XYLT1: variants seen among roughly 807,000 people sequenced by gnomAD.
XYLT1 encodes the protein xylosyltransferase 1, also known as beta-D-xylosyltransferase 1.
Under a neutral mutation model 91.3 loss-of-function variants are expected in XYLT1, and 36 were observed. The ratio of observed to expected loss-of-function variants is 0.39; its 90% CI spans 0.30 to 0.52. The LOEUF is 0.52. XYLT1 is among the 20% of genes least tolerant of loss of function. The probability of loss-of-function intolerance (pLI) is 0.68; values close to 1 mark genes in which losing one functional copy is unlikely to be tolerated. For synonymous variants in XYLT1, 588 were observed against 532.0 expected, an observed-to-expected ratio of 1.11 and a Z score of -1.45; for missense variants, 1,242 against 1,284.5, an observed-to-expected ratio of 0.97 and a Z score of 0.51.
chr16:17,326,788 G>A (rs1294466323), intron 2 of XYLT1, among the ~76,000 whole-genome samples: 1 of 151,240 alleles, frequency 6.6e-6, no homozygotes, highest in Non-Finnish European at 1.5e-5. Flanking sequence ...TCGCGCCACT[G>A]CACTCCAGCC....
intron 1 of XYLT1, among the ~76,000 whole-genome samples, chr16:17,467,338 T>C (rs2036911961): frequency 6.6e-6 from 1 of 152,206 alleles, no homozygotes; most frequent in Non-Finnish European, 1.5e-5. Context: ...TTCTCCAAAA[T>C]CTATTCAGAA....
At chr16:17,259,692 G>C (rs1325648294) in intron 2 of XYLT1, among the ~76,000 whole-genome samples, 194 bp from the exon 3 acceptor site, 1 of 152,190 alleles carries the variant, frequency 6.6e-6, no homozygotes, top group African/African-American at 2.4e-5. Flanking sequence ...AATAGGAGAT[G>C]TTCCAACCAG....
chr16:17,415,632 C>A (rs955549434), intron 1 of XYLT1, among the ~76,000 whole-genome samples: 1 of 151,914 alleles, frequency 6.6e-6, no homozygotes, highest in African/African-American at 2.4e-5. Context: ...GCAGAGGTTG[C>A]AGTGAGCTGA....
At chr16:17,400,022 C>T (rs2035944261) in intron 1 of XYLT1, among the ~76,000 whole-genome samples, 1 of 152,242 alleles carries the variant, frequency 6.6e-6, no homozygotes, top group Non-Finnish European at 1.5e-5. Flanking sequence ...TCTCCAACAG[C>T]AGCCATCAGG....
intron 1 of XYLT1, among the ~76,000 whole-genome samples, chr16:17,387,188 A>T (rs757777677): frequency 1.3e-5 from 2 of 152,140 alleles, no homozygotes; most frequent in Non-Finnish European, 1.5e-5. Context: ...TCCATCCTTC[A>T]TGCATAGACC....
intron 2 of XYLT1, among the ~76,000 whole-genome samples, chr16:17,334,901 A>G (rs1393750379): frequency 1.3e-5 from 2 of 151,400 alleles, no homozygotes; most frequent in Non-Finnish European, 2.9e-5. Flanking sequence ...AAAACAAAAA[A>G]AAGATCAACT....
intron 3 of XYLT1, among the ~76,000 whole-genome samples, chr16:17,233,804 G>A (rs2033204785): frequency 6.6e-6 from 1 of 152,160 alleles, no homozygotes; most frequent in Non-Finnish European, 1.5e-5. Flanking sequence ...CCTACTCCAG[G>A]CATTGACATC....
At chr16:17,251,043 G>A (rs915455135) in intron 3 of XYLT1, 2 of 152,176 alleles carry the variant, frequency 1.3e-5, no homozygotes, top group East Asian at 1.9e-4. Context: ...TGTCAGCTAC[G>A]CTTTCTAGAA....
At chr16:17,113,209 T>C (rs1966845810) in intron 11 of XYLT1, among the ~76,000 whole-genome samples, 2 of 151,410 alleles carry the variant, frequency 1.3e-5, no homozygotes, top group South Asian at 4.2e-4. Context: ...TGGTGTGATC[T>C]TGGCTCACTG....
intron 2 of XYLT1, among the ~76,000 whole-genome samples, chr16:17,349,818 T>C (rs1269811454): frequency 2.0e-5 from 3 of 152,100 alleles, no homozygotes; most frequent in Non-Finnish European, 4.4e-5. Context: ...GCATGTCCAA[T>C]GTACAGTTCC....
chr16:17,202,026 T>C (rs983314641), intron 3 of XYLT1, among the ~76,000 whole-genome samples: 2 of 152,182 alleles, frequency 1.3e-5, no homozygotes, highest in African/African-American at 4.8e-5. Flanking sequence ...CCCAGACATA[T>C]TTTATTCCGA....
intron 2 of XYLT1, among the ~76,000 whole-genome samples, chr16:17,261,114 C>T (rs1439596120): frequency 6.6e-6 from 1 of 152,016 alleles, no homozygotes; most frequent in East Asian, 1.9e-4. Flanking sequence ...TGGTGGTGCA[C>T]ACCTGTAGTC....
At position 17,127,769 on chromosome 16, in the gene XYLT1, A is replaced by C; in HGVS notation, c.2120T>G (p.Leu707Arg). 1.2e-6 allele frequency: 2 copies of C among 1,614,212 alleles called. No homozygotes were observed. The highest frequency in any genetic ancestry group is 1.7e-6 in the Non-Finnish European group (2 of 1,180,044). Residue 707 changes from leucine (L) to arginine (R), a missense_variant, in exon 10 of 12, where the codon CTG becomes CGG. Around this residue, in one of 3 missense-constraint regions of XYLT1, gnomAD observed 511 missense variants for 497.0 expected, o/e 1.03. Coordinates refer to ENST00000261381, the MANE Select transcript of XYLT1 (RefSeq NM_022166.4). ...GFLIKHHATNLAVSKLETLET... is the reference protein window; with the variant it reads ...GFLIKHHATNRAVSKLETLET... Reference sequence around the variant, plus strand: ...CAGAGTCTCTAGTTTGCTCACAGCCAGATTGGTAGCATGATGCTTGATCAG... The same window carrying C: ...CAGAGTCTCTAGTTTGCTCACAGCCCGATTGGTAGCATGATGCTTGATCAG...
chr16:17,389,396 C>T (rs763204338), intron 1 of XYLT1, among the ~76,000 whole-genome samples: 8 of 152,204 alleles, frequency 5.3e-5, no homozygotes, highest in Non-Finnish European at 1.0e-4. Context: ...CAGGTACACG[C>T]CACCACACCT....
intron 10 of XYLT1, among the ~76,000 whole-genome samples, 160 bp downstream of exon 10, chr16:17,127,506 G>T (rs1231571560): frequency 6.6e-6 from 1 of 152,216 alleles, no homozygotes; most frequent in Non-Finnish European, 1.5e-5. Context: ...GCCAGTGACT[G>T]GGGCCGGAGA....
intron 1 of XYLT1, among the ~76,000 whole-genome samples, chr16:17,386,237 A>G (rs1266248524): frequency 2.0e-5 from 3 of 152,190 alleles, no homozygotes; most frequent in African/African-American, 4.8e-5. Context: ...TTTTAAATGA[A>G]GATGTTGGGC....
chr16:17,463,977 C>T (rs2036853367), intron 1 of XYLT1, among the ~76,000 whole-genome samples: 1 of 152,072 alleles, frequency 6.6e-6, no homozygotes, highest in Admixed American at 6.5e-5. Context: ...CTGAAATAAG[C>T]CAGGCACTTA....
chr16:17,383,041 G>A (rs1191510676), intron 1 of XYLT1, among the ~76,000 whole-genome samples: 1 of 151,714 alleles, frequency 6.6e-6, no homozygotes, highest in African/African-American at 2.4e-5. Context: ...TGAGACCCAC[G>A]TACTCACTTC....
At chr16:17,251,366 A>T (rs1022415817) in intron 3 of XYLT1, 2 of 152,310 alleles carry the variant, frequency 1.3e-5, no homozygotes, top group African/African-American at 2.4e-5. Flanking sequence ...TCAGATGCCC[A>T]GACCGGGGTT....
Sources: gnomAD v4.1 joint callset for allele counts (sites outside exome capture counted in the v4.1 genomes callset) on GRCh38, gnomAD v4.1.1 for gene constraint, gnomAD v4.1.1 regional missense constraint, MANE v1.5 for transcripts, NCBI Gene and HGNC (gene_info 2026-07-23, HGNC 2026-07-21) for gene names.